Variants in CC2D2A observed in about 807,000 individuals in gnomAD.
CC2D2A encodes coiled-coil and C2 domain containing 2A.
In CC2D2A, 155 loss-of-function variants were observed where a neutral mutation model predicts 212.9. That is an observed-to-expected ratio of 0.73 (90% CI 0.64 to 0.83). The LOEUF is 0.83. Ranked by LOEUF, CC2D2A falls within the 40% of genes least tolerant of loss-of-function variation. CC2D2A has a pLI of 0.00. For synonymous variants in CC2D2A, 667 were observed against 686.5 expected (o/e 0.97, Z 0.44); for missense variants, 1,856 against 1,956.2 (o/e 0.95, Z 0.97).
chr4:15,575,465 C>T (rs1440576332), intron 29 of CC2D2A, among the ~76,000 whole-genome samples: 1 of 152,180 alleles, frequency 6.6e-6, no homozygotes, highest in Non-Finnish European at 1.5e-5. Context: ...TCCAAGCTTA[C>T]ATTCACATGT....
chr4:15,511,821 C>T (rs1716585448), intron 8 of CC2D2A: 1 of 153,404 alleles, frequency 6.5e-6, no homozygotes, highest in African/African-American at 2.4e-5. Context: ...TGTGCCCAAA[C>T]ACCACACCCA....
intron 1 of CC2D2A, among the ~76,000 whole-genome samples, chr4:15,475,236 T>C (rs946227691): frequency 8.5e-5 from 13 of 152,206 alleles, no homozygotes; most frequent in African/African-American, 3.1e-4. Flanking sequence ...ATCGTGCCAC[T>C]GTACTCCAGC....
At chr4:15,540,628 CTG>C (rs1324561402) in intron 16 of CC2D2A, among the ~76,000 whole-genome samples, 1 of 152,206 alleles carries the variant, frequency 6.6e-6, no homozygotes, top group Non-Finnish European at 1.5e-5. Flanking sequence ...CTTAAATCCT[CTG>C]TGCCCTTTTC....
rs2109011659 is a variant in CC2D2A, at chr4:15,514,805, T to C, written c.816T>C (p.Tyr272=). The C allele has an allele frequency of 6.2e-7, 1 of 1,614,000 alleles. No individual in the cohort carries two copies. The highest frequency in any genetic ancestry group is 8.5e-7 in the Non-Finnish European group (1 of 1,179,838). The part of the protein sequence containing the change: ...DDFVAVRPAD[Y]ESIHDRLQME... ...TTGTAGCAGTCAGACCTGCAGATTA[T>C]GAAAGCATCCATGATCGGCTGCAGA... is the stretch of plus-strand genomic sequence containing the variant. Residue 272 remains tyrosine (Y), a synonymous_variant, in exon 9 of 37, where the codon TAT becomes TAC. Transcript: ENST00000424120.
At chr4:15,575,479 C>G (rs879569537) in intron 29 of CC2D2A, among the ~76,000 whole-genome samples, 2 of 152,116 alleles carry the variant, frequency 1.3e-5, no homozygotes, top group Non-Finnish European at 2.9e-5. Context: ...CACATGTAAG[C>G]GTAAGTTGTT....
intron 17 of CC2D2A, among the ~76,000 whole-genome samples, chr4:15,547,265 G>A (rs1482337964): frequency 6.6e-6 from 1 of 152,056 alleles, no homozygotes; most frequent in Non-Finnish European, 1.5e-5. Flanking sequence ...TCAAATCAGG[G>A]TATTTAGAAT....
At chr4:15,472,842 T>C (rs116152416) in intron 1 of CC2D2A, among the ~76,000 whole-genome samples, 1,895 of 152,300 alleles carry the variant, frequency 0.012, 20 homozygotes, top group Non-Finnish European at 0.02. Context: ...GAGAAGACAA[T>C]AGAATTTCAG....
chr4:15,505,387 A>C (rs1716199210), intron 6 of CC2D2A, among the ~76,000 whole-genome samples: 2 of 152,212 alleles, frequency 1.3e-5, no homozygotes, highest in Admixed American at 1.3e-4. Flanking sequence ...AAACTTCTCT[A>C]CATGTGGCCC....
At chr4:15,526,480 A>C in intron 11 of CC2D2A, among the ~76,000 whole-genome samples, 1 of 152,206 alleles carries the variant, frequency 6.6e-6, no homozygotes, top group East Asian at 1.9e-4. Context: ...TGAACATGTT[A>C]CCCATAATTT....
rs60708661 is a variant in CC2D2A, at chr4:15,488,809, G to A, written c.247+7982G>A. Among the ~76,000 whole-genome samples, 609 of 152,286 alleles carry A rather than the reference G, an allele frequency of 4.0e-3. 5 individuals carry two copies. Among genetic ancestry groups the A allele is most frequent in the African/African-American group, 0.014 (576 of 41,564 alleles). ...AACCTATGGCCTCACACACTGCTTCGGGCACATGCCCGGAGGTGCCACCTC... is the reference window on the plus strand; with the variant it reads ...AACCTATGGCCTCACACACTGCTTCAGGCACATGCCCGGAGGTGCCACCTC... On this transcript the variant is annotated intron_variant, in intron 4 of 36. Coordinates refer to ENST00000424120, the MANE Select transcript of CC2D2A (RefSeq NM_001378615.1).
At chr4:15,583,123 T>C (rs1190848649) in intron 30 of CC2D2A, among the ~76,000 whole-genome samples, 1 of 152,148 alleles carries the variant, frequency 6.6e-6, no homozygotes, top group Non-Finnish European at 1.5e-5. Flanking sequence ...GAAAAAGAAT[T>C]CAATGGAATT....
chr4:15,549,044 C>A (rs1194737186), intron 17 of CC2D2A, among the ~76,000 whole-genome samples: 2 of 151,928 alleles, frequency 1.3e-5, no homozygotes, highest in African/African-American at 2.4e-5. Context: ...TTAAAAATAT[C>A]TATTATAGAT....
intron 14 of CC2D2A, among the ~76,000 whole-genome samples, chr4:15,533,748 C>T (rs1205297147): frequency 6.6e-6 from 1 of 152,156 alleles, no homozygotes. Context: ...GATTTCTTTG[C>T]TTTACAATAC....
chr4:15,474,484 CA>C (rs369683807), intron 1 of CC2D2A, among the ~76,000 whole-genome samples: 9 of 138,858 alleles, frequency 6.5e-5, no homozygotes, highest in Middle Eastern at 3.6e-3. Context: ...TTAATGGATA[CA>C]AAAAAAAAAT....
At position 15,521,579 on chromosome 4, in the gene CC2D2A, TA is replaced by T. The variant is rs141567951; in HGVS notation, c.1149+4824del. On this transcript the variant is annotated intron_variant, in intron 11 of 36. Coordinates refer to ENST00000424120, the MANE Select transcript of CC2D2A (RefSeq NM_001378615.1). ...CTGGCATGATGCAAGAGCAAGGCAA[TA>T]GGTCGGCAGGCGAAGATTGTTTTGC... is the stretch of plus-strand genomic sequence containing the variant. Among the ~76,000 whole-genome samples the T allele has an allele frequency of 9.1e-3, 1,378 of 152,224 alleles. 16 individuals carry two copies. The highest frequency in any genetic ancestry group is 0.032 in the African/African-American group (1,313 of 41,536).
chr4:15,470,681 CTCTCTCTCTATATATATATA>C (rs1397926167), intron 1 of CC2D2A, among the ~76,000 whole-genome samples: 574 of 56,982 alleles, frequency 0.01, no homozygotes, highest in Non-Finnish European at 0.012. Flanking sequence ...CTCTCTCTCT[CTCTCTCTCTATATATATATA>C]TATATATATA....
At chr4:15,478,838 T>C (rs368612494) in intron 3 of CC2D2A, 32 bp downstream of exon 3, 387 of 1,506,006 alleles carry the variant, frequency 2.6e-4, no homozygotes, top group Non-Finnish European at 3.4e-4. Context: ...TGTCTGCGTA[T>C]TGTCATTGAT....
chr4:15,572,592 A>G (rs1316382463), intron 28 of CC2D2A, among the ~76,000 whole-genome samples: 1 of 151,526 alleles, frequency 6.6e-6, no homozygotes, highest in Non-Finnish European at 1.5e-5. Flanking sequence ...AACATCCTAC[A>G]ATGCACAGGA....
intron 3 of CC2D2A, chr4:15,479,265 C>CA (rs1560141026): frequency 6.5e-7 from 1 of 1,537,260 alleles, no homozygotes; most frequent in Non-Finnish European, 8.7e-7. Context: ...GATCCTCCCC[C>CA]ACCTCTCCGC....
Sources: gnomAD v4.1 joint callset for allele counts (sites outside exome capture counted in the v4.1 genomes callset) on GRCh38, gnomAD v4.1.1 for gene constraint, MANE v1.5 for transcripts, NCBI Gene and HGNC (gene_info 2026-07-23, HGNC 2026-07-21) for gene names.